Variants in KAT6A observed in about 807,000 individuals in gnomAD.
KAT6A encodes the protein lysine acetyltransferase 6A.
A neutral mutation model predicts 198.4 loss-of-function variants in KAT6A; 9 were observed. The ratio of observed to expected loss-of-function variants is 0.05; its 90% CI spans 0.03 to 0.08. KAT6A has a LOEUF of 0.08. Ranked by LOEUF, KAT6A falls within the 10% of genes least tolerant of loss-of-function variation. The pLI is 1.00. For synonymous variants in KAT6A, 890 were observed against 883.0 expected, an observed-to-expected ratio of 1.01 and a Z score of -0.14; for missense variants, 2,077 against 2,509.9, an observed-to-expected ratio of 0.83 and a Z score of 3.69.
At chr8:42,009,915 C>CAAAAA (rs1216387598) in intron 2 of KAT6A, among the ~76,000 whole-genome samples, 3 of 110,292 alleles carry the variant, frequency 2.7e-5, no homozygotes, top group Non-Finnish European at 5.3e-5. Context: ...AAAAAAAAAA[C>CAAAAA]AAAAAAAAAC....
chr8:41,939,898 G>A (rs1450459639), intron 15 of KAT6A, among the ~76,000 whole-genome samples: 1 of 152,182 alleles, frequency 6.6e-6, no homozygotes, highest in African/African-American at 2.4e-5. Flanking sequence ...TGTGATAGAT[G>A]TACCACACCA....
chr8:42,038,516 T>G (rs1401658990), intron 2 of KAT6A, among the ~76,000 whole-genome samples: 1 of 140,712 alleles, frequency 7.1e-6, no homozygotes. Context: ...TGCTCTCTAA[T>G]ACTATAAAGC....
chr8:41,934,535 T>TCTC lies in KAT6A; in HGVS notation c.3682_3684dup (p.Glu1228dup), dbSNP rs749689463. On this transcript the variant is annotated inframe_insertion, in exon 17 of 17. Transcript: ENST00000265713. ...TCAGCCTCTTCTGCCTCTGCTTGCA[T>TCTC]CTCCTCCTCCTCCTTCCTCTCCTCG... is the stretch of plus-strand genomic sequence containing the variant. The TCTC allele has an allele frequency of 8.1e-6, 13 of 1,613,772 alleles. No individual in the cohort carries two copies. The highest frequency in any genetic ancestry group is 1.1e-5 in the Non-Finnish European group (13 of 1,179,924).
chr8:41,991,790 G>A (rs1319962175), intron 2 of KAT6A, among the ~76,000 whole-genome samples: 2 of 152,054 alleles, frequency 1.3e-5, no homozygotes, highest in African/African-American at 4.8e-5. Context: ...AGAACGTGGA[G>A]GGGGCAGAAA....
chr8:41,983,674 T>C (rs1184678734), intron 3 of KAT6A, among the ~76,000 whole-genome samples: 1 of 152,230 alleles, frequency 6.6e-6, no homozygotes, highest in Non-Finnish European at 1.5e-5. Context: ...GTCAAATGTA[T>C]TAAACATTTT....
intron 1 of KAT6A, chr8:42,049,535 C>G (rs1176876973): frequency 1.3e-5 from 2 of 156,870 alleles, no homozygotes; most frequent in Non-Finnish European, 2.8e-5. Context: ...TGAGGAAACA[C>G]GATGACATGT....
intron 2 of KAT6A, among the ~76,000 whole-genome samples, chr8:42,003,470 G>C (rs368428962): frequency 3.2e-4 from 47 of 149,174 alleles, no homozygotes; most frequent in African/African-American, 9.7e-4. Context: ...TGTTTCCCCA[G>C]CCCATGGGGT....
chr8:41,931,961 C>T lies in KAT6A; in HGVS notation c.*244G>A, dbSNP rs1821567358. The T allele has an allele frequency of 3.0e-6, 1 of 338,126 alleles. No homozygotes were observed. Among genetic ancestry groups the T allele is most frequent in the Admixed American group, 4.7e-5 (1 of 21,178 alleles). The allele number at this position is 338,126 out of a possible 1,614,324, so 20.9% of individuals were successfully genotyped here. A position where few individuals can be genotyped will look rare whatever the true frequency, so the allele number is the denominator to read the frequency against. On this transcript the variant is annotated 3_prime_UTR_variant, in exon 17 of 17. Transcript: ENST00000265713. ...TGTGCATGTTTCCCCATCCCCAAAT[C>T]CATTTTTAGATGAGTTCTACTGTAA...
chr8:42,025,563 G>A (rs1173793896), intron 2 of KAT6A, among the ~76,000 whole-genome samples: 1 of 152,038 alleles, frequency 6.6e-6, no homozygotes, highest in Non-Finnish European at 1.5e-5. Flanking sequence ...ATTCTTTTGA[G>A]AAATGTCTAT....
chr8:41,951,913 G>A (rs16890963), intron 9 of KAT6A, among the ~76,000 whole-genome samples: 2,281 of 152,240 alleles, frequency 0.015, 56 homozygotes, highest in African/African-American at 0.051. Flanking sequence ...ATGGAGCAGC[G>A]TAGGCCCAGT....
intron 2 of KAT6A, among the ~76,000 whole-genome samples, chr8:42,022,335 C>A (rs1338246330): frequency 6.6e-6 from 1 of 151,350 alleles, no homozygotes; most frequent in African/African-American, 2.4e-5. Flanking sequence ...CAAATCAGAC[C>A]CAGCAAAAAA....
rs1019104290 is a variant in KAT6A at position 41,978,681 on chromosome 8, A to G, written c.1004T>C (p.Ile335Thr). 1.2e-6 allele frequency: 2 copies of G among 1,613,940 alleles called. No individual in the cohort carries two copies. Among genetic ancestry groups the G allele is most frequent in the Admixed American group, 1.7e-5 (1 of 60,010 alleles). The change falls in exon 6 of 17, where the codon ATA becomes ACA. Residue 335 changes from isoleucine to threonine, a missense_variant. Physicochemically the swap from Ile to Thr is moderately conservative, Grantham distance 89. This residue lies in a region of KAT6A where 206 missense variants were observed against 214.9 expected (regional missense o/e 0.96). Coordinates refer to ENST00000265713, the MANE Select transcript of KAT6A (RefSeq NM_006766.5). ...AQIKRRYTNP[I>T]GRPKNRLKKQ... ...CTTTAACCTGTTTTTTGGACGTCCT[A>G]TTGGATTAGTATAGCGCCGTTTTAT...
intron 2 of KAT6A, among the ~76,000 whole-genome samples, chr8:42,026,643 A>G (rs1826828416): frequency 6.6e-6 from 1 of 152,192 alleles, no homozygotes; most frequent in African/African-American, 2.4e-5. Flanking sequence ...AATTTGTGTT[A>G]TCAGTTCTAA....
intron 2 of KAT6A, among the ~76,000 whole-genome samples, chr8:41,998,323 C>T (rs925687479): frequency 5.3e-5 from 8 of 152,146 alleles, no homozygotes; most frequent in Admixed American, 6.5e-5. Context: ...ACAAACTGCA[C>T]ACATATTCCC....
At chr8:41,976,883 G>T in intron 7 of KAT6A, 125 bp downstream of exon 7, 10 of 782,836 alleles carry the variant, frequency 1.3e-5, no homozygotes, top group South Asian at 2.5e-5. Flanking sequence ...TTTTTTCAAT[G>T]TGTTCTTATA....
At chr8:42,025,776 TA>T (rs1826784500) in intron 2 of KAT6A, among the ~76,000 whole-genome samples, 1 of 152,208 alleles carries the variant, frequency 6.6e-6, no homozygotes, top group Non-Finnish European at 1.5e-5. Context: ...CCCATTTGTC[TA>T]TTGTTTGTTT....
At chr8:42,008,384 C>G (rs540671644) in intron 2 of KAT6A, among the ~76,000 whole-genome samples, 1 of 152,270 alleles carries the variant, frequency 6.6e-6, no homozygotes, top group Non-Finnish European at 1.5e-5. Context: ...GTCGCCCAGG[C>G]TGGAGTGCAG....
intron 2 of KAT6A, among the ~76,000 whole-genome samples, chr8:42,041,033 A>G (rs556632674): frequency 6.6e-6 from 1 of 151,998 alleles, no homozygotes; most frequent in Non-Finnish European, 1.5e-5. Flanking sequence ...CATCTTTACT[A>G]AAAATACAAA....
intron 8 of KAT6A, chr8:41,957,345 A>G (rs1012608909): frequency 7.4e-6 from 4 of 539,996 alleles, no homozygotes; most frequent in Middle Eastern, 4.8e-4. Context: ...ACGAAGATTT[A>G]GAAATCAGCA....
Sources: gnomAD v4.1 joint callset for allele counts (sites outside exome capture counted in the v4.1 genomes callset) on GRCh38, gnomAD v4.1.1 for gene constraint, gnomAD v4.1.1 regional missense constraint, MANE v1.5 for transcripts, NCBI Gene and HGNC (gene_info 2026-07-23, HGNC 2026-07-21) for gene names.